Variants in WHRN observed in about 807,000 individuals in gnomAD.
WHRN encodes whirlin.
In WHRN, 41 loss-of-function variants were observed where a neutral mutation model predicts 68.3. The observed-to-expected ratio is 0.60, with a 90% confidence interval of 0.47 to 0.78. WHRN has a LOEUF of 0.78. Among genes scored for constraint, WHRN ranks in the 30% least tolerant of loss-of-function variants. WHRN has a pLI of 0.00. For missense variants in WHRN, 1,243 were observed against 1,244.7 expected (o/e 1.00, Z 0.02); for synonymous variants, 560 against 561.3 (o/e 1.00, Z 0.03).
chr9:114,478,251 G>T (rs1198893023), intron 2 of WHRN: 2 of 647,510 alleles, frequency 3.1e-6, no homozygotes, highest in Admixed American at 2.5e-5. Flanking sequence ...TCTCGTGACC[G>T]CATTCCAGCC....
At position 114,406,733 on chromosome 9, in the gene WHRN, C is replaced by A. The variant is rs1319696995; in HGVS notation, c.1858G>T (p.Val620Phe). The change falls in exon 9 of 12, where the codon GTC becomes TTC. Residue 620 changes from valine to phenylalanine, a missense_variant. Coordinates refer to ENST00000362057, the MANE Select transcript of WHRN (RefSeq NM_015404.4). ...CTGCGGTTCTGTGGAGCCGAGAAGA[C>A]AGTGCCCGAGCAGGAAGGCATGGAG... ...PSSMPSCSGTVFSAPQNRSPP... is the reference protein window; with the variant it reads ...PSSMPSCSGTFFSAPQNRSPP... 2 of 1,614,142 alleles carry A rather than the reference C, an allele frequency of 1.2e-6. No individual in the cohort carries two copies.
chr9:114,453,665 G>A lies in WHRN; in HGVS notation c.963+12602C>T, dbSNP rs369939803. ...TTGGATGAATGGACCAATTTCTTGAGAGACGCAAACTACTAACACTCAAGA... is the reference window on the plus strand; with the variant it reads ...TTGGATGAATGGACCAATTTCTTGAAAGACGCAAACTACTAACACTCAAGA... On this transcript the variant is annotated intron_variant, in intron 3 of 11. Transcript: ENST00000362057. Among the ~76,000 whole-genome samples, 33 of 152,178 alleles carry A rather than the reference G, an allele frequency of 2.2e-4. 1 individual carries two copies. The South Asian group carries it at 6.8e-3, about 32-fold the overall frequency.
At position 114,424,511 on chromosome 9, in the gene WHRN, C is replaced by T. The variant is rs1444785631; in HGVS notation, c.1239G>A (p.Val413=). 1.9e-6 allele frequency: 3 copies of T among 1,613,740 alleles called. No homozygotes were observed. The East Asian group carries it at 6.7e-5, about 36-fold the overall frequency. Residue 413 remains valine, a synonymous_variant, in exon 6 of 12, where the codon GTG becomes GTA. Transcript: ENST00000362057. Reference sequence around the variant, plus strand: ...TCTGGTTCCCCAGGCTGCTCAGGGTCACCTGGGAGCCGGCTGGGCCCTTGT... The same window carrying T: ...TCTGGTTCCCCAGGCTGCTCAGGGTTACCTGGGAGCCGGCTGGGCCCTTGT... ...GFYKGPAGSQ[V]TLSSLGNQTR...
intron 3 of WHRN, among the ~76,000 whole-genome samples, chr9:114,459,807 A>T (rs1235325110): frequency 6.6e-6 from 1 of 152,234 alleles, no homozygotes; most frequent in Non-Finnish European, 1.5e-5. Flanking sequence ...CCATAATCAC[A>T]AAACGAAATA....
intron 2 of WHRN, among the ~76,000 whole-genome samples, chr9:114,470,001 T>A (rs1841066600): frequency 6.6e-6 from 1 of 152,116 alleles, no homozygotes; most frequent in African/African-American, 2.4e-5. Flanking sequence ...GACCTCCTGA[T>A]TACATCTTGC....
At position 114,485,835 on chromosome 9, in the gene WHRN, C is replaced by A. The variant is rs530473694; in HGVS notation, c.619-7064G>T. 3.2e-3 allele frequency among the ~76,000 whole-genome samples: 479 copies of A among 151,540 alleles called. 4 individuals carry two copies. The highest frequency in any genetic ancestry group is 0.011 in the African/African-American group (442 of 41,274). ...GCCTGGACAACATGGTGAGACGCCA[C>A]AAAAAAAATTTTTTTTTTAAAATTT... On this transcript the variant is annotated intron_variant, in intron 1 of 11. Transcript: ENST00000362057.
At chr9:114,493,739 A>C (rs1000981877) in intron 1 of WHRN, among the ~76,000 whole-genome samples, 1 of 152,250 alleles carries the variant, frequency 6.6e-6, no homozygotes, top group African/African-American at 2.4e-5. Flanking sequence ...AAAAAGGAAA[A>C]AGTGCCCAAT....
At chr9:114,457,705 T>G (rs987480897) in intron 3 of WHRN, among the ~76,000 whole-genome samples, 1 of 152,016 alleles carries the variant, frequency 6.6e-6, no homozygotes, top group Non-Finnish European at 1.5e-5. Context: ...CACTTGAGGT[T>G]AGGAGTTTGA....
chr9:114,438,868 C>T (rs1288660898), intron 3 of WHRN, among the ~76,000 whole-genome samples: 1 of 152,164 alleles, frequency 6.6e-6, no homozygotes, highest in Non-Finnish European at 1.5e-5. Context: ...CTGAAAATAA[C>T]CTAAATGTCC....
At chr9:114,489,169 C>T (rs1842765000) in intron 1 of WHRN, among the ~76,000 whole-genome samples, 1 of 152,192 alleles carries the variant, frequency 6.6e-6, no homozygotes, top group African/African-American at 2.4e-5. Flanking sequence ...CTACACTCTT[C>T]TCAGTTGACC....
In WHRN at chr9:114,403,963, G is replaced by C. The variant is rs1834847682; in HGVS notation, c.2351C>G (p.Ser784Cys). 1 of 1,611,686 alleles carries C rather than the reference G, an allele frequency of 6.2e-7. No homozygotes were observed. Residue 784 changes from serine to cysteine, a missense_variant, in exon 10 of 12, where the codon TCC becomes TGC. Transcript: ENST00000362057. ...SAPGRGRQSV[S>C]TKSRSSKELP... ...CTCCTTGCTACTCCTGCTCTTGGTG[G>C]ACACCGACTGCCTTCCTCGGCCTGG...
chr9:114,501,808 G>T (rs1843956978), intron 1 of WHRN, among the ~76,000 whole-genome samples: 1 of 152,226 alleles, frequency 6.6e-6, no homozygotes, highest in African/African-American at 2.4e-5. Flanking sequence ...TCCCCGACAT[G>T]GTGACTCGCA....
rs763014940 is a variant in WHRN, at chr9:114,504,478, T to C, written c.324A>G (p.Gln108=). ...GCAGGTAGAGGCCCTCGGCCGTGTATTGGTCGAAGAGCAGCTGGTCGGAGC... is the reference window on the plus strand; with the variant it reads ...GCAGGTAGAGGCCCTCGGCCGTGTACTGGTCGAAGAGCAGCTGGTCGGAGC... The part of the protein sequence containing the change: ...IPRSDQLLFD[Q]YTAEGLYLPA... The change falls in exon 1 of 12, where the codon CAA becomes CAG. Residue 108 remains glutamine (Q), a synonymous_variant. Transcript: ENST00000362057. The C allele has an allele frequency of 3.0e-5, 48 of 1,608,520 alleles. No individual in the cohort carries two copies. Among genetic ancestry groups the C allele is most frequent in the South Asian group, 1.1e-4 (10 of 91,080 alleles).
chr9:114,458,651 C>T (rs1840000359), intron 3 of WHRN, among the ~76,000 whole-genome samples: 2 of 152,124 alleles, frequency 1.3e-5, no homozygotes. Flanking sequence ...GTTGTTGGAG[C>T]ACTGCAGGCA....
At chr9:114,450,100 G>A (rs1033934837) in intron 3 of WHRN, among the ~76,000 whole-genome samples, 5 of 152,050 alleles carry the variant, frequency 3.3e-5, no homozygotes, top group African/African-American at 1.2e-4. Flanking sequence ...AGGCACTCCC[G>A]AGGGCATGGC....
At chr9:114,406,229 C>G (rs906123554) in intron 9 of WHRN, 126 bp downstream of exon 9, 4 of 1,354,128 alleles carry the variant, frequency 3.0e-6, no homozygotes, top group Non-Finnish European at 4.1e-6. Context: ...CAACTCCCTT[C>G]GCCACTCTGG....
intron 3 of WHRN, among the ~76,000 whole-genome samples, chr9:114,437,963 A>C (rs1174902077): frequency 6.6e-6 from 1 of 152,262 alleles, no homozygotes; most frequent in Non-Finnish European, 1.5e-5. Context: ...TGAACAAGTT[A>C]CAAAGAAGAC....
intron 3 of WHRN, among the ~76,000 whole-genome samples, chr9:114,441,796 A>G (rs1305816333): frequency 2.0e-5 from 3 of 152,250 alleles, no homozygotes; most frequent in Non-Finnish European, 4.4e-5. Flanking sequence ...AAATTTTGCA[A>G]AACAACTGAA....
At chr9:114,444,143 C>T (rs1041831258) in intron 3 of WHRN, among the ~76,000 whole-genome samples, 11 of 152,160 alleles carry the variant, frequency 7.2e-5, no homozygotes, top group Non-Finnish European at 1.0e-4. Flanking sequence ...TATTAACTCC[C>T]GTACCCCATC....
Sources: allele counts gnomAD v4.1 joint callset (sites outside exome capture counted in the v4.1 genomes callset), GRCh38; gene constraint gnomAD v4.1.1; transcripts MANE v1.5; gene names NCBI Gene and HGNC (gene_info 2026-07-23, HGNC 2026-07-21).